Variants in TBCD observed in about 807,000 individuals in gnomAD.
TBCD encodes the protein tubulin folding cofactor D.
A neutral mutation model predicts 169.3 loss-of-function variants in TBCD; 105 were observed. The observed-to-expected ratio is 0.62, with a 90% CI of 0.53 to 0.73. The LOEUF is 0.73. Ranked by LOEUF, TBCD falls within the 30% of genes least tolerant of loss-of-function variation. The pLI is 0.00. For synonymous variants in TBCD, 700 were observed against 643.9 expected (o/e 1.09, Z -1.32); for missense variants, 1,444 against 1,600.1 (o/e 0.90, Z 1.66).
intron 33 of TBCD, 76 bp from the exon 34 acceptor site, chr17:82,932,582 C>T (rs2062298357): frequency 8.2e-7 from 1 of 1,215,094 alleles, no homozygotes; most frequent in African/African-American, 1.5e-5. Flanking sequence ...TGGGATCCTG[C>T]TGACTCTCAG....
At chr17:82,757,815 C>T (rs1028121659) in intron 2 of TBCD, among the ~76,000 whole-genome samples, 1 of 151,952 alleles carries the variant, frequency 6.6e-6, no homozygotes, top group African/African-American at 2.4e-5. Context: ...TGCTGGATGG[C>T]GTGGCAGGCA....
chr17:82,798,272 G>A (rs1419775738), intron 8 of TBCD, among the ~76,000 whole-genome samples: 4 of 151,778 alleles, frequency 2.6e-5, no homozygotes, highest in Admixed American at 6.6e-5. Context: ...TCAACCTCCC[G>A]AGTAGCTGGG....
chr17:82,870,468 G>A, intron 14 of TBCD, 88 bp downstream of exon 14: 1 of 1,469,504 alleles, frequency 6.8e-7, no homozygotes, highest in Non-Finnish European at 9.1e-7. Context: ...GTGCACAGCA[G>A]ATGCTCGTGA....
rs112319777 is a variant in TBCD at position 82,903,754 on chromosome 17, C to T, written c.1804+276C>T. 8.6e-3 allele frequency among the ~76,000 whole-genome samples: 1,306 copies of T among 151,212 alleles called. 10 individuals are homozygous for T. Among genetic ancestry groups the T allele is most frequent in the African/African-American group, 0.03 (1,232 of 40,636 alleles). On this transcript the variant is annotated intron_variant, in intron 19 of 38. Coordinates refer to ENST00000355528, the MANE Select transcript of TBCD (RefSeq NM_005993.5). This position sits in a 1 kb window ranked among gnomAD's most constrained non-coding sequence, Gnocchi z 4.8. ...ATGCCTGACATGCAGTGCTGCTTCC[C>T]TGGTCTCTAGGTGGCTCGCACCTGC...
chr17:82,933,623 T>TTTG (rs2062391737), intron 34 of TBCD, among the ~76,000 whole-genome samples: 3 of 151,520 alleles, frequency 2.0e-5, no homozygotes, highest in Non-Finnish European at 2.9e-5. Context: ...ACTGCTTTTT[T>TTTG]TTTGTTTGTT....
At chr17:82,813,723 C>T (rs1383287720) in intron 12 of TBCD, among the ~76,000 whole-genome samples, 46 of 152,174 alleles carry the variant, frequency 3.0e-4, no homozygotes, top group Non-Finnish European at 1.5e-5. Context: ...CCCTAAAGGA[C>T]GCAAGTGCTG....
chr17:82,941,358 G>T (rs776768206), intron 37 of TBCD, 41 bp from the exon 38 acceptor site: 1 of 1,532,244 alleles, frequency 6.5e-7, no homozygotes, highest in African/African-American at 1.4e-5. Context: ...AGGTTCTCCG[G>T]TGGGCACTCG....
intron 17 of TBCD, among the ~76,000 whole-genome samples, chr17:82,894,057 G>A (rs975509880): frequency 3.3e-5 from 5 of 152,244 alleles, no homozygotes; most frequent in African/African-American, 4.8e-5. Context: ...CTTTCCCACC[G>A]TGAAATCTTG....
At chr17:82,942,109 C>G (rs1021279419) in intron 38 of TBCD, 53 of 438,806 alleles carry the variant, frequency 1.2e-4, no homozygotes, top group South Asian at 7.4e-4. Context: ...TCCCCCATTT[C>G]TGTGTGTGTA....
intron 12 of TBCD, among the ~76,000 whole-genome samples, chr17:82,812,756 G>A (rs1309398650): frequency 6.6e-6 from 1 of 152,092 alleles, no homozygotes; most frequent in Non-Finnish European, 1.5e-5. Flanking sequence ...TTGGCCAGTC[G>A]GGTCTCTGTC....
At chr17:82,760,037 C>G (rs976528028) in intron 2 of TBCD, among the ~76,000 whole-genome samples, 1 of 152,008 alleles carries the variant, frequency 6.6e-6, no homozygotes, top group Non-Finnish European at 1.5e-5. Context: ...CCACGCCTGG[C>G]TAATTTTTGT....
At position 82,929,669 on chromosome 17, in the gene TBCD, A is replaced by G. The variant is rs1460194726; in HGVS notation, c.2991+169A>G. ...GGGCCCAGTGTCTTCCTCATGACCC[A>G]GGAGGCTTAGGGCCTGTGGGATGGT... On this transcript the variant is annotated intron_variant, in intron 32 of 38. Transcript: ENST00000355528. 4 of 907,068 alleles carry G rather than the reference A, an allele frequency of 4.4e-6. No homozygotes were observed. The East Asian group carries it at 1.1e-4, about 24-fold the overall frequency. The allele number at this position is 907,068 out of a possible 1,614,324, so 56.2% of individuals were successfully genotyped here.
intron 13 of TBCD, among the ~76,000 whole-genome samples, chr17:82,828,425 T>A (rs1004882200): frequency 1.4e-5 from 2 of 144,556 alleles, no homozygotes; most frequent in African/African-American, 2.6e-5. Flanking sequence ...CCCGCAGATA[T>A]GTACACGTGG....
Position 82,907,685 on chromosome 17 carries a change from C to T in TBCD, c.1923-76C>T, listed in dbSNP as rs2060346403. The T allele has an allele frequency of 4.6e-6, 7 of 1,528,296 alleles. No homozygotes were observed. In the East Asian group the frequency reaches 1.2e-4, roughly 25 times the overall value. The allele number at this position is 1,528,296 out of a possible 1,614,324, so 94.7% of individuals were successfully genotyped here. ...GGGGTTAGGGTCTTGGGGAGTGTGG[C>T]CTCAGCTCCTCCGAGTGTACTCGGG... On this transcript the variant is annotated intron_variant, in intron 20 of 38. Transcript: ENST00000355528.
intron 11 of TBCD, among the ~76,000 whole-genome samples, chr17:82,809,268 G>A (rs1452524154): frequency 6.6e-6 from 1 of 152,142 alleles, no homozygotes; most frequent in Non-Finnish European, 1.5e-5. Context: ...CTGTGAGCCA[G>A]CCTCAGGCGG....
In TBCD at chr17:82,884,052, T is replaced by A; in HGVS notation, c.1476-93T>A. ...GGCATGTCTGAACCTCAAGTGGGCC[T>A]GAGTCGTGAGAGAAAGGCTTTCTCA... On this transcript the variant is annotated intron_variant, in intron 14 of 38. Coordinates refer to ENST00000355528, the MANE Select transcript of TBCD (RefSeq NM_005993.5). This position sits in a 1 kb window ranked among gnomAD's most constrained non-coding sequence, Gnocchi z 4.2. 7.9e-7 allele frequency: 1 copy of A among 1,271,872 alleles called. No individual in the cohort carries two copies. The highest frequency in any genetic ancestry group is 1.1e-6 in the Non-Finnish European group (1 of 899,168). The allele number at this position is 1,271,872 out of a possible 1,614,324, so 78.8% of individuals were successfully genotyped here.
chr17:82,832,210 G>A lies in TBCD; in HGVS notation c.1318+17276G>A, dbSNP rs762390558. On this transcript the variant is annotated intron_variant, in intron 13 of 38. Coordinates refer to ENST00000355528, the MANE Select transcript of TBCD (RefSeq NM_005993.5). The surrounding 1 kb of genome is among the most constrained non-coding windows in gnomAD (Gnocchi z 4.9). The stretch of plus-strand genomic sequence containing the variant: ...AGACTTGGAAGAGGCTGGCTTCGCC[G>A]TGGCATCGGGCTGGTTGGTTTGCTT... 9.3e-6 allele frequency: 15 copies of A among 1,614,236 alleles called. No individual in the cohort carries two copies. The highest frequency in any genetic ancestry group is 1.2e-5 in the Non-Finnish European group (14 of 1,180,048).
At chr17:82,865,444 C>T in intron 13 of TBCD, 1 of 984,620 alleles carries the variant, frequency 1.0e-6, no homozygotes, top group Non-Finnish European at 1.2e-6. Context: ...CGGGGAGACA[C>T]CCCCTGCCCA....
intron 14 of TBCD, among the ~76,000 whole-genome samples, chr17:82,873,152 C>T (rs868462655): frequency 6.6e-6 from 1 of 152,260 alleles, no homozygotes; most frequent in East Asian, 1.9e-4. Flanking sequence ...CATCTGGCCC[C>T]TCAGATGGTG....
Sources: allele counts gnomAD v4.1 joint callset (sites outside exome capture counted in the v4.1 genomes callset), GRCh38; gene constraint gnomAD v4.1.1; non-coding constraint Gnocchi (gnomAD v3.1); transcripts MANE v1.5; gene names NCBI Gene and HGNC (gene_info 2026-07-23, HGNC 2026-07-21).